Variants in OR5AS1 observed in about 807,000 individuals in gnomAD.
OR5AS1 encodes the protein olfactory receptor 5AS1.
For missense variants in OR5AS1, 492 were observed against 378.2 expected (o/e 1.30, Z -2.50); for synonymous variants, 196 against 141.7 (o/e 1.38, Z -2.72).
At position 56,029,413 on chromosome 11, in the gene OR5AS1, C is replaced by A. The variant is rs1258098076; in HGVS notation, c.-28-978C>A. On this transcript the variant is annotated intron_variant, in intron 1 of 1. Transcript: ENST00000641320. The stretch of plus-strand genomic sequence containing the variant: ...AAACATACTAATGTTTCTGGAACCT[C>A]ACACCAAACAGTGCTTACTTCAGAG... 2.0e-5 allele frequency among the ~76,000 whole-genome samples: 3 copies of A among 151,970 alleles called. No homozygotes were observed. The East Asian group carries it at 5.8e-4, about 29-fold the overall frequency.
In OR5AS1 at chr11:56,031,905, A is replaced by G. The variant is rs902592493; in HGVS notation, c.*512A>G. 6.5e-6 allele frequency: 1 copy of G among 152,872 alleles called. No homozygotes were observed. Among genetic ancestry groups the G allele is most frequent in the African/African-American group, 2.4e-5 (1 of 41,406 alleles). 9.5% of individuals were successfully genotyped at this position (152,872 alleles called of 1,614,324 possible). A position where few individuals can be genotyped will look rare whatever the true frequency, so the allele number is the denominator to read the frequency against. The stretch of plus-strand genomic sequence containing the variant: ...ATATTGTAACCTCAGACATAAATTT[A>G]AGTATGGATGGAGGGATGGATAGAT... On this transcript the variant is annotated 3_prime_UTR_variant, in exon 2 of 2. Transcript: ENST00000641320.
rs1222016037 is a variant in OR5AS1, at chr11:56,033,519, A to T, written c.*2126A>T. 1 of 152,150 alleles carries T rather than the reference A, an allele frequency of 6.6e-6. No homozygotes were observed. Among genetic ancestry groups the T allele is most frequent in the Non-Finnish European group, 1.5e-5 (1 of 68,106 alleles). The allele number at this position is 152,150 out of a possible 1,614,324, so 9.4% of individuals were successfully genotyped here. On this transcript the variant is annotated 3_prime_UTR_variant, in exon 2 of 2. Coordinates refer to ENST00000641320, the MANE Select transcript of OR5AS1 (RefSeq NM_001001921.2). Reference sequence around the variant, plus strand: ...TAAACAAAGCTGCCAGGAAGTTTGAACTGGGTGGAGCCCACCGCAGCACTG... The same window carrying T: ...TAAACAAAGCTGCCAGGAAGTTTGATCTGGGTGGAGCCCACCGCAGCACTG...
intron 1 of OR5AS1, 135 bp from the exon 2 acceptor site, chr11:56,030,250 ACAAAAT>A (rs901041920): frequency 1.5e-5 from 6 of 409,602 alleles, no homozygotes; most frequent in African/African-American, 1.0e-4. Context: ...TAATCAAATG[ACAAAAT>A]CAAAATCAAA....
rs756262132 is a variant in OR5AS1, at chr11:56,031,045, C to T, written c.627C>T (p.Ser209=). The change falls in exon 2 of 2, where the codon AGC becomes AGT. Residue 209 remains serine (S), a synonymous_variant. Transcript: ENST00000641320. ...LFALCSFIQT[S]TFVVIFISYF... ...CTTTGTGCAGCTTCATCCAGACCAG[C>T]ACTTTTGTGGTAATATTTATTTCTT... 3.1e-6 allele frequency: 5 copies of T among 1,614,116 alleles called. No individual in the cohort carries two copies. In the South Asian group the frequency reaches 4.4e-5, roughly 14 times the overall value.
At position 56,030,789 on chromosome 11, in the gene OR5AS1, C is replaced by A. The variant is rs904264593; in HGVS notation, c.371C>A (p.Ala124Glu). The A allele has an allele frequency of 6.2e-7, 1 of 1,614,052 alleles. No homozygotes were observed. The highest frequency in any genetic ancestry group is 8.5e-7 in the Non-Finnish European group (1 of 1,179,972). ...ILAAMAYDRY[A>E]AICNPLLYTT... is the part of the protein sequence containing the mutation. Reference sequence around the variant, plus strand: ...GCAGCAATGGCTTATGACCGCTATGCAGCCATCTGCAACCCACTGCTCTAT... The same window carrying A: ...GCAGCAATGGCTTATGACCGCTATGAAGCCATCTGCAACCCACTGCTCTAT... The change falls in exon 2 of 2, where the codon GCA (alanine) becomes GAA (glutamate). Residue 124 changes from alanine to glutamate, a missense_variant. Physicochemically the swap from Ala to Glu is moderately radical, Grantham distance 107. Coordinates refer to ENST00000641320, the MANE Select transcript of OR5AS1 (RefSeq NM_001001921.2).
chr11:56,029,021 A>G (rs1044656913), intron 1 of OR5AS1, among the ~76,000 whole-genome samples: 7 of 152,060 alleles, frequency 4.6e-5, no homozygotes, highest in African/African-American at 1.7e-4. Context: ...AGGTACACAC[A>G]TTGCATTCTT....
chr11:56,035,716 A>G lies in OR5AS1; in HGVS notation c.*4323A>G, dbSNP rs2134700060. The G allele has an allele frequency of 6.6e-6, 1 of 152,280 alleles. No homozygotes were observed. The highest frequency in any genetic ancestry group is 1.9e-4 in the East Asian group (1 of 5,176). 9.4% of individuals were successfully genotyped at this position (152,280 alleles called of 1,614,324 possible). Reference sequence around the variant, plus strand: ...GAGACTTTAACACCCCACAGTCAACATTAGACAGACCAAGACAGAAAATTA... The same window carrying G: ...GAGACTTTAACACCCCACAGTCAACGTTAGACAGACCAAGACAGAAAATTA... On this transcript the variant is annotated 3_prime_UTR_variant, in exon 2 of 2. Coordinates refer to ENST00000641320, the MANE Select transcript of OR5AS1 (RefSeq NM_001001921.2).
At position 56,038,190 on chromosome 11, in the gene OR5AS1, G is replaced by T. The variant is rs1002495063; in HGVS notation, c.*6797G>T. ...CCATGCACTTGCCTTGCTATTGATG[G>T]CTTCTGTCTGATCACAGTGATGTGT... On this transcript the variant is annotated 3_prime_UTR_variant, in exon 2 of 2. Coordinates refer to ENST00000641320, the MANE Select transcript of OR5AS1 (RefSeq NM_001001921.2). 6.6e-6 allele frequency: 1 copy of T among 152,062 alleles called. No homozygotes were observed. Among genetic ancestry groups the T allele is most frequent in the African/African-American group, 2.4e-5 (1 of 41,376 alleles). The allele number at this position is 152,062 out of a possible 1,614,324, so 9.4% of individuals were successfully genotyped here.
Position 56,036,354 on chromosome 11 carries a change from G to A in OR5AS1, c.*4961G>A, listed in dbSNP as rs774644817. On this transcript the variant is annotated 3_prime_UTR_variant, in exon 2 of 2. Transcript: ENST00000641320. ...CAATGAATCCAGGAGTTGGTTTTTGGAAAAGATCAACAAAATAGAAAGAAC... is the reference window on the plus strand; with the variant it reads ...CAATGAATCCAGGAGTTGGTTTTTGAAAAAGATCAACAAAATAGAAAGAAC... The A allele has an allele frequency of 2.0e-5, 3 of 152,018 alleles. No homozygotes were observed. The highest frequency in any genetic ancestry group is 4.4e-5 in the Non-Finnish European group (3 of 68,012). 9.4% of individuals were successfully genotyped at this position (152,018 alleles called of 1,614,324 possible).
Position 56,031,412 on chromosome 11 carries a change from T to C in OR5AS1, c.*19T>C. On this transcript the variant is annotated 3_prime_UTR_variant, in exon 2 of 2. Coordinates refer to ENST00000641320, the MANE Select transcript of OR5AS1 (RefSeq NM_001001921.2). ...TATCTAACTTACCCTTCCAATCTCA[T>C]AAACAGCAATTATGCCATGAACATC... 6.9e-7 allele frequency: 1 copy of C among 1,443,280 alleles called. No homozygotes were observed. Among genetic ancestry groups the C allele is most frequent in the South Asian group, 1.4e-5 (1 of 73,338 alleles). The allele number at this position is 1,443,280 out of a possible 1,614,324, so 89.4% of individuals were successfully genotyped here. A position where few individuals can be genotyped will look rare whatever the true frequency, so the allele number is the denominator to read the frequency against.
rs753481065 is a variant in OR5AS1, at chr11:56,035,136, G to A, written c.*3743G>A. ...TGAAGGAAGCACTAAACATGGAAAG[G>A]TACAACTGGTAACAGCCACTGCAAA... On this transcript the variant is annotated 3_prime_UTR_variant, in exon 2 of 2. Transcript: ENST00000641320. 1 of 152,036 alleles carries A rather than the reference G, an allele frequency of 6.6e-6. No individual in the cohort carries two copies. Among genetic ancestry groups the A allele is most frequent in the Non-Finnish European group, 1.5e-5 (1 of 68,010 alleles). 9.4% of individuals were successfully genotyped at this position (152,036 alleles called of 1,614,324 possible). A position where few individuals can be genotyped will look rare whatever the true frequency, so the allele number is the denominator to read the frequency against.
Position 56,030,840 on chromosome 11 carries a change from G to C in OR5AS1, c.422G>C (p.Cys141Ser). The C allele has an allele frequency of 6.2e-7, 1 of 1,614,074 alleles. No individual in the cohort carries two copies. The highest frequency in any genetic ancestry group is 8.5e-7 in the Non-Finnish European group (1 of 1,179,952). ...LYTTLMSRRV[C>S]VCFIVLAYFS... is the part of the protein sequence containing the mutation. ...ACTACACTGATGTCTAGGAGAGTCTGTGTCTGCTTCATTGTGTTGGCATAT... is the reference window on the plus strand; with the variant it reads ...ACTACACTGATGTCTAGGAGAGTCTCTGTCTGCTTCATTGTGTTGGCATAT... The change falls in exon 2 of 2, where the codon TGT becomes TCT. Residue 141 changes from cysteine (C) to serine (S), a missense_variant. Transcript: ENST00000641320.
At position 56,036,951 on chromosome 11, in the gene OR5AS1, G is replaced by C. The variant is rs964157563; in HGVS notation, c.*5558G>C. On this transcript the variant is annotated 3_prime_UTR_variant, in exon 2 of 2. Transcript: ENST00000641320. Reference sequence around the variant, plus strand: ...ATTGGCTTTATCCCTGGGATGCAAGGCTGGCTTAACATACGCAAATCAATA... The same window carrying C: ...ATTGGCTTTATCCCTGGGATGCAAGCCTGGCTTAACATACGCAAATCAATA... The C allele has an allele frequency of 1.3e-5, 2 of 152,216 alleles. No individual in the cohort carries two copies. The highest frequency in any genetic ancestry group is 1.9e-4 in the East Asian group (1 of 5,190). 9.4% of individuals were successfully genotyped at this position (152,216 alleles called of 1,614,324 possible).
In OR5AS1 at chr11:56,031,154, A is replaced by G. The variant is rs780154343; in HGVS notation, c.736A>G (p.Ile246Val). ...ATTCTCCACTTGTGCTTCCCACCTCATAGCAGTCACCTTATTCTATGGAGC... is the reference window on the plus strand; with the variant it reads ...ATTCTCCACTTGTGCTTCCCACCTCGTAGCAGTCACCTTATTCTATGGAGC... ...KTFSTCASHL[I>V]AVTLFYGALL... The change falls in exon 2 of 2, where the codon ATA becomes GTA. Residue 246 changes from isoleucine (I) to valine (V), a missense_variant. By Grantham distance (29) the Ile-to-Val change is conservative. Transcript: ENST00000641320. The G allele has an allele frequency of 2.0e-5, 32 of 1,614,082 alleles. No homozygotes were observed. The highest frequency in any genetic ancestry group is 1.7e-5 in the Non-Finnish European group (20 of 1,180,022).
chr11:56,030,730 CG>C lies in OR5AS1; in HGVS notation c.313del (p.Ala105LeufsTer31), dbSNP rs781131116. ...GGTGTGCACTACAAATGTTTTTCTT[CG>C]CTTCTTTTGCTGATGCTGAGTGCCT... ...YGCALQMFFF[A>X]SFADAECLIL... On this transcript the variant is annotated frameshift_variant, in exon 2 of 2. Coordinates refer to ENST00000641320, the MANE Select transcript of OR5AS1 (RefSeq NM_001001921.2). LOFTEE classifies it low-confidence loss of function (END_TRUNC). The C allele has an allele frequency of 2.0e-5, 32 of 1,611,566 alleles. No homozygotes were observed. Among genetic ancestry groups the C allele is most frequent in the Non-Finnish European group, 2.6e-5 (31 of 1,178,498 alleles).
In OR5AS1 at chr11:56,031,562, A is replaced by T; in HGVS notation, c.*169A>T. 1 of 500,170 alleles carries T rather than the reference A, an allele frequency of 2.0e-6. No individual in the cohort carries two copies. The highest frequency in any genetic ancestry group is 3.5e-6 in the Non-Finnish European group (1 of 283,942). The allele number at this position is 500,170 out of a possible 1,614,324, so 31.0% of individuals were successfully genotyped here. ...TCTCTCCACAATTCTACTCTATAAAACATTACCTAATTAAACATAGTCATT... is the reference window on the plus strand; with the variant it reads ...TCTCTCCACAATTCTACTCTATAAATCATTACCTAATTAAACATAGTCATT... On this transcript the variant is annotated 3_prime_UTR_variant, in exon 2 of 2. Transcript: ENST00000641320.
rs1361538263 is a variant in OR5AS1, at chr11:56,034,556, T to C, written c.*3163T>C. Reference sequence around the variant, plus strand: ...ATGAAATAAAGCTTGAAGACAAGATTAGAGAAAAAAGAATGCAAAGAAATG... The same window carrying C: ...ATGAAATAAAGCTTGAAGACAAGATCAGAGAAAAAAGAATGCAAAGAAATG... On this transcript the variant is annotated 3_prime_UTR_variant, in exon 2 of 2. Coordinates refer to ENST00000641320, the MANE Select transcript of OR5AS1 (RefSeq NM_001001921.2). The C allele has an allele frequency of 6.6e-6, 1 of 151,792 alleles. No homozygotes were observed. Among genetic ancestry groups the C allele is most frequent in the Non-Finnish European group, 1.5e-5 (1 of 67,972 alleles). 9.4% of individuals were successfully genotyped at this position (151,792 alleles called of 1,614,324 possible). A position where few individuals can be genotyped will look rare whatever the true frequency, so the allele number is the denominator to read the frequency against.
Position 56,037,418 on chromosome 11 carries a change from C to G in OR5AS1, c.*6025C>G, listed in dbSNP as rs554216789. 6.6e-6 allele frequency: 1 copy of G among 152,210 alleles called. No homozygotes were observed. The highest frequency in any genetic ancestry group is 2.4e-5 in the African/African-American group (1 of 41,488). The allele number at this position is 152,210 out of a possible 1,614,324, so 9.4% of individuals were successfully genotyped here. A position where few individuals can be genotyped will look rare whatever the true frequency, so the allele number is the denominator to read the frequency against. ...CTGATAAGCAACTTCAGCAAAATGT[C>G]AGGATACAAAATCAATGTGCAAAAA... is the stretch of plus-strand genomic sequence containing the variant. On this transcript the variant is annotated 3_prime_UTR_variant, in exon 2 of 2. Coordinates refer to ENST00000641320, the MANE Select transcript of OR5AS1 (RefSeq NM_001001921.2).
In OR5AS1 at chr11:56,030,708, G is replaced by A; in HGVS notation, c.290G>A (p.Cys97Tyr). Residue 97 changes from cysteine (C) to tyrosine (Y), a missense_variant, in exon 2 of 2, where the codon TGT becomes TAT. By Grantham distance (194) the Cys-to-Tyr change is radical. Transcript: ENST00000641320. ...AGGAAAAGCATCTCTCCTTATGGGTGTGCACTACAAATGTTTTTCTTCGCT... is the reference window on the plus strand; with the variant it reads ...AGGAAAAGCATCTCTCCTTATGGGTATGCACTACAAATGTTTTTCTTCGCT... ...ASRKSISPYG[C>Y]ALQMFFFASF... is the part of the protein sequence containing the mutation. The A allele has an allele frequency of 6.2e-7, 1 of 1,609,670 alleles. No homozygotes were observed.
Sources: gnomAD v4.1 joint callset for allele counts (sites outside exome capture counted in the v4.1 genomes callset) on GRCh38, gnomAD v4.1.1 for gene constraint, MANE v1.5 for transcripts, NCBI Gene and HGNC (gene_info 2026-07-23, HGNC 2026-07-21) for gene names.